Variants in ARHGEF10 observed in about 807,000 individuals in gnomAD.
ARHGEF10 encodes Rho guanine nucleotide exchange factor (GEF) 10.
ARHGEF10 carries 140 observed loss-of-function variants against 147.4 expected under a neutral mutation model. The ratio of observed to expected loss-of-function variants is 0.95; its 90% confidence interval spans 0.83 to 1.09. The LOEUF (loss-of-function observed/expected upper bound fraction) is 1.09. ARHGEF10 is among the 50% of genes least tolerant of loss of function. The probability of loss-of-function intolerance (pLI) is 0.00; values close to 1 mark genes in which losing one functional copy is unlikely to be tolerated. For missense variants in ARHGEF10, 2,222 were observed against 1,752.7 expected, an observed-to-expected ratio of 1.27 and a Z score of -4.78; for synonymous variants, 902 against 695.8, an observed-to-expected ratio of 1.30 and a Z score of -4.67.
intron 11 of ARHGEF10, among the ~76,000 whole-genome samples, chr8:1,886,178 G>A (rs1808641518): frequency 6.6e-6 from 1 of 152,152 alleles, no homozygotes; most frequent in Admixed American, 6.5e-5. Context: ...GTAGCAGAAG[G>A]GAAAAAATCA....
rs199804539 is a variant in ARHGEF10, at chr8:1,860,055, G to T, written c.352G>T (p.Gly118Cys). Residue 118 changes from glycine to cysteine, a missense_variant, in exon 4 of 29, where the codon GGT (glycine) becomes TGT (cysteine). Transcript: ENST00000349830. The stretch of plus-strand genomic sequence containing the variant: ...GCCCAGCGCTGAGGAGGAGAATGTG[G>T]GTCTCCATGTGCCCTGCGGGTACTT... Reference protein sequence around the residue: ...PVPSAEEENVGLHVPCGYLVP... With the variant: ...PVPSAEEENVCLHVPCGYLVP... 1.7e-4 allele frequency: 268 copies of T among 1,614,120 alleles called. 2 individuals are homozygous for T. In the East Asian group the frequency reaches 4.5e-3, roughly 27 times the overall value.
intron 2 of ARHGEF10, among the ~76,000 whole-genome samples, chr8:1,845,453 T>C (rs984081460): frequency 6.6e-6 from 1 of 152,200 alleles, no homozygotes; most frequent in Non-Finnish European, 1.5e-5. Context: ...ATTAATATGG[T>C]GCCTTGACAT....
In ARHGEF10 at chr8:1,880,024, A is replaced by C. The variant is rs764458683; in HGVS notation, c.844-24A>C. ...AACCAAAAAGAGCCTTTTTGTGAAAAGACTGTGTCTCTTTATGCTGTAGCT... is the reference window on the plus strand; with the variant it reads ...AACCAAAAAGAGCCTTTTTGTGAAACGACTGTGTCTCTTTATGCTGTAGCT... On this transcript the variant is annotated intron_variant, in intron 8 of 28. Coordinates refer to ENST00000349830, the MANE Select transcript of ARHGEF10 (RefSeq NM_014629.4). 5 of 1,529,740 alleles carry C rather than the reference A, an allele frequency of 3.3e-6. No individual in the cohort carries two copies. The East Asian group carries it at 9.0e-5, about 28-fold the overall frequency. The allele number at this position is 1,529,740 out of a possible 1,614,324, so 94.8% of individuals were successfully genotyped here. A position where few individuals can be genotyped will look rare whatever the true frequency, so the allele number is the denominator to read the frequency against.
At chr8:1,931,525 T>G (rs1813143558) in intron 25 of ARHGEF10, among the ~76,000 whole-genome samples, 1 of 152,138 alleles carries the variant, frequency 6.6e-6, no homozygotes, top group African/African-American at 2.4e-5. Flanking sequence ...TTCGCATCTT[T>G]CTCACCAAGA....
chr8:1,877,955 T>A (rs561034281), intron 8 of ARHGEF10, among the ~76,000 whole-genome samples: 26 of 152,174 alleles, frequency 1.7e-4, no homozygotes, highest in African/African-American at 6.0e-4. Flanking sequence ...AGCGGAGATT[T>A]CATTCCTGGA....
intron 26 of ARHGEF10, among the ~76,000 whole-genome samples, chr8:1,935,884 C>G (rs1014849071): frequency 6.6e-6 from 1 of 152,218 alleles, no homozygotes; most frequent in African/African-American, 2.4e-5. Flanking sequence ...CATGGGGGCA[C>G]GTGCAGGGAA....
Position 1,921,649 on chromosome 8 carries a change from C to T in ARHGEF10, c.2144-1315C>T, listed in dbSNP as rs546044736. On this transcript the variant is annotated intron_variant, in intron 18 of 28. Coordinates refer to ENST00000349830, the MANE Select transcript of ARHGEF10 (RefSeq NM_014629.4). ...ATTCGGGAGGCTGAGGCAGGAGAAT[C>T]GTTTGAACCCGGGAGGCAGAGGTTG... 5.9e-5 allele frequency among the ~76,000 whole-genome samples: 9 copies of T among 152,140 alleles called. No homozygotes were observed. The South Asian group carries it at 1.7e-3, about 28-fold the overall frequency.
chr8:1,850,149 G>GCTA (rs1321743232), intron 2 of ARHGEF10, among the ~76,000 whole-genome samples: 1 of 138,966 alleles, frequency 7.2e-6, no homozygotes, highest in African/African-American at 2.6e-5. Flanking sequence ...GAGGGTGTGG[G>GCTA]GCGGCCACGT....
chr8:1,846,006 G>T (rs1041516521), intron 2 of ARHGEF10, among the ~76,000 whole-genome samples: 9 of 152,208 alleles, frequency 5.9e-5, no homozygotes, highest in African/African-American at 7.2e-5. Flanking sequence ...AGCTGGACTG[G>T]CCAGGCCGTC....
chr8:1,880,501 A>C (rs1259381550), intron 9 of ARHGEF10, among the ~76,000 whole-genome samples: 1 of 152,228 alleles, frequency 6.6e-6, no homozygotes, highest in African/African-American at 2.4e-5. Flanking sequence ...TTTTTCATCA[A>C]TGTTATTTAA....
At chr8:1,914,685 A>G (rs1249022850) in intron 18 of ARHGEF10, among the ~76,000 whole-genome samples, 2 of 152,234 alleles carry the variant, frequency 1.3e-5, no homozygotes, top group Non-Finnish European at 2.9e-5. Flanking sequence ...TGCTGTGGGA[A>G]GGGCTGCTTC....
intron 1 of ARHGEF10, among the ~76,000 whole-genome samples, chr8:1,829,022 G>C (rs569792941): frequency 6.6e-6 from 1 of 152,252 alleles, no homozygotes; most frequent in South Asian, 2.1e-4. Flanking sequence ...TATCTGAGCG[G>C]ACACGGACGG....
At chr8:1,910,496 C>T (rs188958449) in intron 18 of ARHGEF10, among the ~76,000 whole-genome samples, 43 of 152,226 alleles carry the variant, frequency 2.8e-4, no homozygotes, top group Middle Eastern at 3.4e-3. Flanking sequence ...CTTAAATCCT[C>T]GTCCTATTTA....
intron 1 of ARHGEF10, among the ~76,000 whole-genome samples, chr8:1,830,954 G>A (rs1406482591): frequency 2.6e-5 from 4 of 152,226 alleles, no homozygotes; most frequent in Admixed American, 6.5e-5. Flanking sequence ...GCGTCTGCGC[G>A]GCCCTGAGGT....
rs13275000 is a variant in ARHGEF10, at chr8:1,860,273, G to C, written c.481+89G>C. ...GAAGTGGCCTGTGGTTCCCTCCTCT[G>C]CATGCCCCGGATGTGGCCTGTGGTT... On this transcript the variant is annotated intron_variant, in intron 4 of 28. Transcript: ENST00000349830. 922,289 of 1,354,888 alleles carry C rather than the reference G, an allele frequency of 0.68. 316,327 individuals are homozygous for C. The highest frequency in any genetic ancestry group is 0.7 in the Non-Finnish European group (701,011 of 1,006,820). The allele number at this position is 1,354,888 out of a possible 1,614,324, so 83.9% of individuals were successfully genotyped here.
intron 9 of ARHGEF10, among the ~76,000 whole-genome samples, chr8:1,880,673 C>T (rs1022010975): frequency 6.6e-6 from 1 of 152,192 alleles, no homozygotes; most frequent in Non-Finnish European, 1.5e-5. Flanking sequence ...TCCAGGGCCC[C>T]TGAGACCGGA....
At chr8:1,920,767 C>A (rs1249111633) in intron 18 of ARHGEF10, among the ~76,000 whole-genome samples, 1 of 151,582 alleles carries the variant, frequency 6.6e-6, no homozygotes, top group African/African-American at 2.4e-5. Context: ...ACTACTGGAT[C>A]AGTTTGCTCT....
intron 15 of ARHGEF10, among the ~76,000 whole-genome samples, chr8:1,902,689 G>A (rs1055197776): frequency 6.6e-6 from 1 of 152,058 alleles, no homozygotes; most frequent in Non-Finnish European, 1.5e-5. Context: ...GGCCACAGTC[G>A]CAGGAGGGCG....
At chr8:1,870,054 G>C (rs908720804) in intron 7 of ARHGEF10, 2 of 153,166 alleles carry the variant, frequency 1.3e-5, no homozygotes, top group South Asian at 2.1e-4. Flanking sequence ...AGCCCGGGAA[G>C]TGTCGGGCGT....
Sources: allele counts gnomAD v4.1 joint callset (sites outside exome capture counted in the v4.1 genomes callset), GRCh38; gene constraint gnomAD v4.1.1; transcripts MANE v1.5; gene names NCBI Gene and HGNC (gene_info 2026-07-23, HGNC 2026-07-21).